Variants in KCNAB2 observed in about 807,000 individuals in gnomAD.
KCNAB2 encodes voltage-gated potassium channel subunit beta-2.
Under a neutral mutation model 63.6 loss-of-function variants are expected in KCNAB2, and 29 were observed. The ratio of observed to expected loss-of-function variants is 0.46; its 90% CI spans 0.34 to 0.62. KCNAB2 has a LOEUF of 0.62. Ranked by LOEUF, KCNAB2 falls within the 20% of genes least tolerant of loss-of-function variation. The probability of loss-of-function intolerance (pLI) is 0.01; values close to 1 mark genes in which losing one functional copy is unlikely to be tolerated. For missense variants in KCNAB2, 359 were observed against 563.9 expected (o/e 0.64, Z 3.68); for synonymous variants, 222 against 224.2 (o/e 0.99, Z 0.09).
chr1:6,096,446 G>A lies in KCNAB2; in HGVS notation c.949-190G>A, dbSNP rs935848554. ...AGGCCCCGCTCATCCACCAGCCCGT[G>A]CCCGGCCCACTGCCCACTCTCCCCT... On this transcript the variant is annotated intron_variant, in intron 13 of 15. Transcript: ENST00000378083. The surrounding 1 kb of genome is among the most constrained non-coding windows in gnomAD (Gnocchi z 5.9). 6 of 727,160 alleles carry A rather than the reference G, an allele frequency of 8.3e-6. No homozygotes were observed. The highest frequency in any genetic ancestry group is 2.8e-5 in the East Asian group (1 of 35,964). The allele number at this position is 727,160 out of a possible 1,614,324, so 45.0% of individuals were successfully genotyped here.
intron 1 of KCNAB2, among the ~76,000 whole-genome samples, chr1:6,004,461 C>A (rs539273045): frequency 4.6e-5 from 7 of 152,050 alleles, no homozygotes; most frequent in Non-Finnish European, 8.8e-5. Flanking sequence ...GATCAGGAAG[C>A]CAGAAGGCAA....
In KCNAB2 at chr1:6,084,621, G is replaced by T. The variant is rs146167160; in HGVS notation, c.381-583G>T. ...ACTCGAGATGAGGAGTTCGAGACCA[G>T]CCTGGCCAACATAGTGAAACCCCGT... On this transcript the variant is annotated intron_variant, in intron 5 of 15. Coordinates refer to ENST00000378083, the MANE Select transcript of KCNAB2 (RefSeq NM_001199862.2). Among the ~76,000 whole-genome samples, 1,332 of 152,272 alleles carry T rather than the reference G, an allele frequency of 8.7e-3. 9 individuals are homozygous for T. The highest frequency in any genetic ancestry group is 0.048 in the East Asian group (250 of 5,180).
In KCNAB2 at chr1:6,073,686, T is replaced by G. The variant is rs530464729; in HGVS notation, c.263-47T>G. 4.7e-5 allele frequency: 75 copies of G among 1,600,894 alleles called. No homozygotes were observed. Among genetic ancestry groups the G allele is most frequent in the Non-Finnish European group, 5.7e-5 (67 of 1,168,114 alleles). On this transcript the variant is annotated intron_variant, in intron 3 of 15. Transcript: ENST00000378083. This position sits in a 1 kb window ranked among gnomAD's most constrained non-coding sequence, Gnocchi z 5.7. ...AGGTCTGAGCACCGACGGGATAATCTGGCTTCCTGCCAGGTTCCTAACTTG... is the reference window on the plus strand; with the variant it reads ...AGGTCTGAGCACCGACGGGATAATCGGGCTTCCTGCCAGGTTCCTAACTTG...
intron 1 of KCNAB2, among the ~76,000 whole-genome samples, chr1:6,011,970 G>A (rs1350059186): frequency 6.6e-6 from 1 of 152,206 alleles, no homozygotes; most frequent in African/African-American, 2.4e-5. Context: ...GATGGTGGAG[G>A]TGGAGGTGAT....
At chr1:6,042,314 G>C (rs1419348342), upstream of KCNAB2, among the ~76,000 whole-genome samples, 2 of 152,186 alleles carry the variant, frequency 1.3e-5, no homozygotes, top group Admixed American at 1.3e-4. Context: ...AGCTCCTCAG[G>C]CTCATTGAAG....
intron 2 of KCNAB2, 36 bp from the exon 3 acceptor site, chr1:6,072,719 T>G: frequency 6.2e-7 from 1 of 1,612,116 alleles, no homozygotes; most frequent in Admixed American, 1.7e-5. Flanking sequence ...GGGTCCTGCC[T>G]GGGTGCTGAG....
intron 2 of KCNAB2, among the ~76,000 whole-genome samples, chr1:6,066,344 A>G (rs544114700): frequency 1.2e-4 from 19 of 152,206 alleles, no homozygotes; most frequent in African/African-American, 4.3e-4. Context: ...CCACCTCCTC[A>G]CTTTCGAGAG....
At chr1:6,017,664 G>A (rs1328206687) in intron 1 of KCNAB2, among the ~76,000 whole-genome samples, 1 of 152,098 alleles carries the variant, frequency 6.6e-6, no homozygotes, top group South Asian at 2.1e-4. Flanking sequence ...GGTGGCAGGT[G>A]CCTGCAATCC....
chr1:6,021,271 T>A (rs1658802237), intron 1 of KCNAB2, among the ~76,000 whole-genome samples: 1 of 152,218 alleles, frequency 6.6e-6, no homozygotes, highest in African/African-American at 2.4e-5. Context: ...GTGCTGAGAT[T>A]ACAGAGATTT....
At chr1:6,034,945 G>A (rs548247457) in intron 1 of KCNAB2, among the ~76,000 whole-genome samples, 10 of 152,370 alleles carry the variant, frequency 6.6e-5, no homozygotes, top group African/African-American at 2.4e-4. Flanking sequence ...AGTAGGTGGA[G>A]GAGAAGGCGT....
chr1:6,095,742 A>C (rs1665565551), intron 13 of KCNAB2, 118 bp downstream of exon 13: 1 of 927,744 alleles, frequency 1.1e-6, no homozygotes, highest in Non-Finnish European at 1.7e-6. Flanking sequence ...AGCTGTTCCC[A>C]CCTCGGTCTG....
chr1:6,015,682 TTTGGTTGA>T (rs1479448529), intron 1 of KCNAB2, among the ~76,000 whole-genome samples: 2 of 152,106 alleles, frequency 1.3e-5, no homozygotes, highest in Non-Finnish European at 2.9e-5. Context: ...TTTAGAGATT[TTTGGTTGA>T]TTGGTTGGTT....
chr1:5,999,906 T>C (rs555701208), intron 1 of KCNAB2, among the ~76,000 whole-genome samples: 1 of 151,826 alleles, frequency 6.6e-6, no homozygotes, highest in South Asian at 2.1e-4. Flanking sequence ...GTGTCGTCTG[T>C]GCCCTGTCTG....
intron 15 of KCNAB2, 45 bp downstream of exon 15, chr1:6,097,402 G>T (rs145730541): frequency 6.5e-7 from 1 of 1,548,868 alleles, no homozygotes; most frequent in African/African-American, 1.4e-5. Flanking sequence ...ATCCCAGCCC[G>T]AGCCCCGTCC....
chr1:6,070,618 A>T (rs534106048), intron 2 of KCNAB2, among the ~76,000 whole-genome samples: 1 of 152,324 alleles, frequency 6.6e-6, no homozygotes, highest in East Asian at 1.9e-4. Context: ...GAATAAAGAA[A>T]AGGTTACCCT....
rs932373011 is a variant in KCNAB2, at chr1:6,024,989, C to T, written c.-52-15528C>T. Reference sequence around the variant, plus strand: ...GGAGCAAGGCCCAGAGCTGGCTCAACATGGGTTGCTGTCCCCCAGCTCTCC... The same window carrying T: ...GGAGCAAGGCCCAGAGCTGGCTCAATATGGGTTGCTGTCCCCCAGCTCTCC... On this transcript the variant is annotated intron_variant, in intron 1 of 16. Transcript: ENST00000341524. This position sits in a 1 kb window ranked among gnomAD's most constrained non-coding sequence, Gnocchi z 5.4. Among the ~76,000 whole-genome samples the T allele has an allele frequency of 2.6e-5, 4 of 152,324 alleles. No individual in the cohort carries two copies. Among genetic ancestry groups the T allele is most frequent in the Admixed American group, 2.0e-4 (3 of 15,298 alleles).
At chr1:6,066,963 G>A (rs748285598) in intron 2 of KCNAB2, among the ~76,000 whole-genome samples, 16 of 152,192 alleles carry the variant, frequency 1.1e-4, no homozygotes, top group Non-Finnish European at 1.5e-4. Context: ...GGAGGATGCC[G>A]ACCACTCATG....
At chr1:6,097,179 G>A in intron 14 of KCNAB2, 90 bp from the exon 15 acceptor site, 1 of 1,383,538 alleles carries the variant, frequency 7.2e-7, no homozygotes, top group East Asian at 2.5e-5. Context: ...CCAAGATGCT[G>A]GGTCTCTCGG....
intron 1 of KCNAB2, among the ~76,000 whole-genome samples, chr1:6,006,512 T>C (rs867888394): frequency 1.1e-3 from 1 of 872 alleles, no homozygotes; most frequent in African/African-American, 2.3e-3. Context: ...CCCACTCCAC[T>C]CCCACCCCTC....
Sources: gnomAD v4.1 joint callset for allele counts (sites outside exome capture counted in the v4.1 genomes callset) on GRCh38, gnomAD v4.1.1 for gene constraint, Gnocchi (gnomAD v3.1) non-coding constraint, MANE v1.5 for transcripts, NCBI Gene and HGNC (gene_info 2026-07-23, HGNC 2026-07-21) for gene names.